RSF1: variants seen among roughly 807,000 people sequenced by gnomAD.
RSF1 encodes the protein HBV pX-associated protein 8.
RSF1 carries 13 observed loss-of-function variants against 145.2 expected under a neutral mutation model. The ratio of observed to expected loss-of-function variants is 0.09; its 90% CI spans 0.06 to 0.14. RSF1 has a LOEUF of 0.14. RSF1 is among the 10% of genes least tolerant of loss of function. RSF1 has a pLI of 1.00. For synonymous variants in RSF1, 577 were observed against 592.6 expected, an observed-to-expected ratio of 0.97 and a Z score of 0.38; for missense variants, 1,517 against 1,718.2, an observed-to-expected ratio of 0.88 and a Z score of 2.07.
intron 1 of RSF1, among the ~76,000 whole-genome samples, chr11:77,816,441 A>G (rs534571613): frequency 6.6e-6 from 1 of 152,206 alleles, no homozygotes; most frequent in Non-Finnish European, 1.5e-5. Flanking sequence ...TTTAACTTTG[A>G]TATTTTCACT....
chr11:77,741,123 C>T (rs1474158031), intron 3 of RSF1, among the ~76,000 whole-genome samples, 187 bp from the exon 4 acceptor site: 1 of 152,162 alleles, frequency 6.6e-6, no homozygotes, highest in African/African-American at 2.4e-5. Context: ...TTTAAGATAA[C>T]ATTTTATATT....
intron 11 of RSF1, among the ~76,000 whole-genome samples, chr11:77,678,606 T>G (rs906060588): frequency 6.6e-6 from 1 of 152,168 alleles, no homozygotes; most frequent in African/African-American, 2.4e-5. Flanking sequence ...ATATTAAATC[T>G]CAAGGTGATG....
intron 3 of RSF1, among the ~76,000 whole-genome samples, chr11:77,741,944 T>C (rs761158557): frequency 2.6e-5 from 4 of 152,238 alleles, no homozygotes; most frequent in Admixed American, 6.5e-5. Flanking sequence ...ATGGGGTATT[T>C]CTTTCAGTGC....
chr11:77,720,310 T>A (rs540355134), intron 5 of RSF1, among the ~76,000 whole-genome samples: 1 of 152,352 alleles, frequency 6.6e-6, no homozygotes, highest in African/African-American at 2.4e-5. Context: ...ATTAGTAGAA[T>A]TAAAAACTAA....
Position 77,672,242 on chromosome 11 carries a change from A to T in RSF1, c.3563-12T>A. 6.3e-7 allele frequency: 1 copy of T among 1,576,100 alleles called. No homozygotes were observed. On this transcript the variant is annotated splice_polypyrimidine_tract_variant and intron_variant, in intron 14 of 15. Coordinates refer to ENST00000308488, the MANE Select transcript of RSF1 (RefSeq NM_016578.4). ...ACTGAAGTCACTTTCTATTTTAAAA[A>T]AAGGAAGAACAAAGTACAAAATTTA...
At chr11:77,724,134 C>T (rs1960997619) in intron 5 of RSF1, among the ~76,000 whole-genome samples, 1 of 151,880 alleles carries the variant, frequency 6.6e-6, no homozygotes, top group Admixed American at 6.6e-5. Flanking sequence ...TACAAATGGC[C>T]AATAAACACT....
intron 1 of RSF1, among the ~76,000 whole-genome samples, chr11:77,803,709 C>T (rs1435181304): frequency 2.0e-5 from 3 of 151,904 alleles, no homozygotes; most frequent in Non-Finnish European, 2.9e-5. Flanking sequence ...AACCTGAAGG[C>T]GGAGGTTGCA....
intron 9 of RSF1, 47 bp downstream of exon 9, chr11:77,691,112 C>T (rs755471548): frequency 8.6e-6 from 13 of 1,517,278 alleles, no homozygotes; most frequent in Non-Finnish European, 1.0e-5. Context: ...TGAGACAATT[C>T]TGCTCTCATA....
chr11:77,755,507 T>C (rs569319379), intron 2 of RSF1, among the ~76,000 whole-genome samples: 2 of 152,352 alleles, frequency 1.3e-5, no homozygotes, highest in South Asian at 4.1e-4. Flanking sequence ...AAGAAATGTG[T>C]TGCTGAAAGT....
At chr11:77,717,360 T>C (rs915454264) in intron 5 of RSF1, among the ~76,000 whole-genome samples, 1 of 152,176 alleles carries the variant, frequency 6.6e-6, no homozygotes, top group Non-Finnish European at 1.5e-5. Flanking sequence ...TCCTGGACCC[T>C]CTCAACATAA....
At chr11:77,746,626 T>G (rs552995713) in intron 3 of RSF1, among the ~76,000 whole-genome samples, 5 of 152,266 alleles carry the variant, frequency 3.3e-5, no homozygotes, top group Admixed American at 1.3e-4. Context: ...AGATGACCCA[T>G]TTAAATCAAG....
intron 1 of RSF1, among the ~76,000 whole-genome samples, chr11:77,775,663 G>A (rs544739674): frequency 2.0e-5 from 3 of 152,198 alleles, no homozygotes; most frequent in South Asian, 2.1e-4. Flanking sequence ...GGCCAGGTCC[G>A]GTGGTTCACA....
the RSF1 span, among the ~76,000 whole-genome samples, chr11:77,843,693 G>A: frequency 2.6e-5 from 4 of 152,158 alleles, no homozygotes; most frequent in Admixed American, 2.6e-4. Context: ...CAGTTCTGGA[G>A]ACTGAAAGTG....
At chr11:77,800,544 T>C (rs1948616384) in intron 1 of RSF1, among the ~76,000 whole-genome samples, 1 of 152,108 alleles carries the variant, frequency 6.6e-6, no homozygotes, top group South Asian at 2.1e-4. Flanking sequence ...CAGTACCAGA[T>C]GGCTTCACTA....
chr11:77,697,001 A>G (rs1476600943), intron 7 of RSF1, among the ~76,000 whole-genome samples: 1 of 152,212 alleles, frequency 6.6e-6, no homozygotes, highest in South Asian at 2.1e-4. Context: ...CCAGCACATA[A>G]TATAGATCAG....
chr11:77,683,324 A>C (rs1179793038), intron 11 of RSF1, among the ~76,000 whole-genome samples: 2 of 152,112 alleles, frequency 1.3e-5, no homozygotes, highest in African/African-American at 4.8e-5. Context: ...TTAACCCAAG[A>C]GCTATGGAAA....
intron 1 of RSF1, among the ~76,000 whole-genome samples, chr11:77,784,133 A>G (rs1473045449): frequency 2.0e-5 from 3 of 152,156 alleles, no homozygotes; most frequent in African/African-American, 7.2e-5. Flanking sequence ...TCTCAAATAC[A>G]CTTTATGGAG....
chr11:77,675,086 T>C lies in RSF1; in HGVS notation c.3512A>G (p.Tyr1171Cys). The change falls in exon 14 of 16, where the codon TAT (tyrosine) becomes TGT (cysteine). Residue 1171 changes from tyrosine to cysteine, a missense_variant. Tyr to Cys is a radical substitution (Grantham distance 194). Transcript: ENST00000308488. ...RLRRKTPKKK[Y>C]SDDDEEEESE... Reference sequence around the variant, plus strand: ...TTCCTCCTCTTCATCATCATCGGAATATTTTTTCTTTGGGGTCTTTCTTCG... The same window carrying C: ...TTCCTCCTCTTCATCATCATCGGAACATTTTTTCTTTGGGGTCTTTCTTCG... The C allele has an allele frequency of 6.2e-7, 1 of 1,614,042 alleles. No individual in the cohort carries two copies. The highest frequency in any genetic ancestry group is 8.5e-7 in the Non-Finnish European group (1 of 1,179,988).
At chr11:77,837,835 G>T in the RSF1 span, among the ~76,000 whole-genome samples, 1 of 152,130 alleles carries the variant, frequency 6.6e-6, no homozygotes, top group East Asian at 1.9e-4. Context: ...AAGACAGATT[G>T]CTTGAGCCCA....
Sources: gnomAD v4.1 joint callset for allele counts (sites outside exome capture counted in the v4.1 genomes callset) on GRCh38, gnomAD v4.1.1 for gene constraint, MANE v1.5 for transcripts, NCBI Gene and HGNC (gene_info 2026-07-23, HGNC 2026-07-21) for gene names.